The following KCNK13 variants were observed in gnomAD, a reference collection of about 807,000 sequenced individuals.
KCNK13 encodes potassium two pore domain channel subfamily K member 13, also known as potassium channel subfamily K member 13.
Under a neutral mutation model 23.4 loss-of-function variants are expected in KCNK13, and 12 were observed. The observed-to-expected ratio is 0.51, with a 90% CI of 0.33 to 0.83. The LOEUF is 0.83. Ranked by LOEUF, KCNK13 falls within the 40% of genes least tolerant of loss-of-function variation. The pLI, the probability that KCNK13 is intolerant of heterozygous loss-of-function variation, is 0.02. For synonymous variants in KCNK13, 231 were observed against 229.5 expected (o/e 1.01, Z -0.06); for missense variants, 463 against 556.3 (o/e 0.83, Z 1.69).
intron 1 of KCNK13, among the ~76,000 whole-genome samples, chr14:90,145,554 CT>C (rs892261237): frequency 4.0e-5 from 6 of 151,150 alleles, no homozygotes; most frequent in Admixed American, 6.6e-5. Flanking sequence ...GTACTTTTGT[CT>C]TTTTTTTCTT....
In KCNK13 at chr14:90,106,975, C is replaced by T. The variant is rs549933364; in HGVS notation, c.334+44436C>T. Among the ~76,000 whole-genome samples, 22 of 151,882 alleles carry T rather than the reference C, an allele frequency of 1.4e-4. No individual in the cohort carries two copies. In the South Asian group the frequency reaches 4.2e-3, roughly 29 times the overall value. ...GGCAGAGGTTGCAGTGAGCTGAGAT[C>T]GCACCACTGCACCCCAGCCTGGGAG... On this transcript the variant is annotated intron_variant, in intron 1 of 1. Transcript: ENST00000282146.
intron 1 of KCNK13, among the ~76,000 whole-genome samples, chr14:90,068,142 G>T (rs553836090): frequency 6.6e-6 from 1 of 152,170 alleles, no homozygotes; most frequent in African/African-American, 2.4e-5. Context: ...ATGATTAAAT[G>T]GCCACCACCA....
At chr14:90,094,645 CTT>C (rs778654067) in intron 1 of KCNK13, among the ~76,000 whole-genome samples, 2 of 111,644 alleles carry the variant, frequency 1.8e-5, no homozygotes, top group Admixed American at 9.7e-5. Flanking sequence ...TCTTTTTTTT[CTT>C]TTTTTTTTTT....
chr14:90,107,020 C>CA (rs1238739799), intron 1 of KCNK13, among the ~76,000 whole-genome samples: 1 of 151,440 alleles, frequency 6.6e-6, no homozygotes, highest in Admixed American at 6.6e-5. Context: ...GACTCCATCT[C>CA]AAAAAAAAGA....
At chr14:90,159,730 G>C (rs1176679414) in intron 1 of KCNK13, among the ~76,000 whole-genome samples, 2 of 152,202 alleles carry the variant, frequency 1.3e-5, no homozygotes, top group Non-Finnish European at 1.5e-5. Context: ...GGGTGGTACT[G>C]TTAGTATCCT....
intron 1 of KCNK13, among the ~76,000 whole-genome samples, chr14:90,115,696 A>T (rs1889668736): frequency 6.6e-6 from 1 of 152,090 alleles, no homozygotes. Context: ...ACGTGTTATT[A>T]AAAAAAAGAA....
At chr14:90,168,803 C>T (rs1890333105) in intron 1 of KCNK13, among the ~76,000 whole-genome samples, 1 of 152,220 alleles carries the variant, frequency 6.6e-6, no homozygotes, top group Non-Finnish European at 1.5e-5. Context: ...ACCCAAATCT[C>T]ACCTTGAATT....
intron 1 of KCNK13, among the ~76,000 whole-genome samples, chr14:90,177,558 A>C (rs757096584): frequency 3.0e-4 from 45 of 152,182 alleles, no homozygotes; most frequent in African/African-American, 7.2e-4. Flanking sequence ...CGGAGTATGC[A>C]TGTAACTTGG....
intron 1 of KCNK13, among the ~76,000 whole-genome samples, chr14:90,168,267 A>G (rs1174261943): frequency 2.0e-5 from 3 of 151,946 alleles, no homozygotes; most frequent in Admixed American, 2.0e-4. Context: ...CCAGCTACTG[A>G]GGCTGAGGTG....
chr14:90,094,948 A>G (rs888008344), intron 1 of KCNK13, among the ~76,000 whole-genome samples: 2 of 152,168 alleles, frequency 1.3e-5, no homozygotes, highest in Non-Finnish European at 2.9e-5. Context: ...TGCCCAGCCT[A>G]TCAGGGACTT....
At chr14:90,151,069 G>T (rs1017891004) in intron 1 of KCNK13, among the ~76,000 whole-genome samples, 12 of 152,088 alleles carry the variant, frequency 7.9e-5, no homozygotes. Flanking sequence ...CTCCCTGATT[G>T]TAAGTTTCCT....
chr14:90,084,943 C>CATTT (rs1889254630), intron 1 of KCNK13, among the ~76,000 whole-genome samples: 1 of 151,334 alleles, frequency 6.6e-6, no homozygotes, highest in Non-Finnish European at 1.5e-5. Context: ...TATTATTATT[C>CATTT]ATTTATTTAT....
In KCNK13 at chr14:90,184,334, C is replaced by T. The variant is rs1487601053; in HGVS notation, c.558C>T (p.Ser186=). ...LKDAGQCEVD[S]LAGWKPSVYY... is the part of the protein sequence containing the mutation. ...ATGCGGGGCAGTGTGAGGTGGACAG[C>T]CTGGCCGGCTGGAAGCCCTCCGTGT... is the stretch of plus-strand genomic sequence containing the variant. Residue 186 remains serine, a synonymous_variant, in exon 2 of 2, where the codon AGC becomes AGT. Coordinates refer to ENST00000282146, the MANE Select transcript of KCNK13 (RefSeq NM_022054.4). This position sits in a 1 kb window ranked among gnomAD's most constrained non-coding sequence, Gnocchi z 5.6. 1 of 1,614,132 alleles carries T rather than the reference C, an allele frequency of 6.2e-7. No homozygotes were observed. The highest frequency in any genetic ancestry group is 2.2e-5 in the East Asian group (1 of 44,894).
At chr14:90,158,136 G>C (rs1024048187) in intron 1 of KCNK13, among the ~76,000 whole-genome samples, 5 of 152,218 alleles carry the variant, frequency 3.3e-5, no homozygotes, top group African/African-American at 1.2e-4. Flanking sequence ...TTAGAAGGGA[G>C]GCGACCACAG....
At chr14:90,100,747 A>C (rs531435731) in intron 1 of KCNK13, among the ~76,000 whole-genome samples, 1 of 152,274 alleles carries the variant, frequency 6.6e-6, no homozygotes, top group East Asian at 1.9e-4. Flanking sequence ...GCTGGAGTGC[A>C]GCGGTATGAT....
chr14:90,072,375 T>C (rs568440716), intron 1 of KCNK13, among the ~76,000 whole-genome samples: 13 of 152,190 alleles, frequency 8.5e-5, no homozygotes, highest in African/African-American at 3.1e-4. Flanking sequence ...TGTAGGACAT[T>C]AGGGAGCAGT....
At chr14:90,139,651 C>G (rs74737068) in intron 1 of KCNK13, among the ~76,000 whole-genome samples, 1 of 152,048 alleles carries the variant, frequency 6.6e-6, no homozygotes, top group Non-Finnish European at 1.5e-5. Context: ...TGTACGTGAG[C>G]AAGAAAAGAA....
intron 1 of KCNK13, among the ~76,000 whole-genome samples, chr14:90,159,946 G>GGTGTGT (rs3060015): frequency 4.4e-4 from 65 of 148,354 alleles, no homozygotes; most frequent in Admixed American, 1.1e-3. Context: ...TGTGTGTAGG[G>GGTGTGT]GTGTGTGTGT....
At chr14:90,182,985 T>C (rs985020620) in intron 1 of KCNK13, among the ~76,000 whole-genome samples, 1 of 152,184 alleles carries the variant, frequency 6.6e-6, no homozygotes, top group Non-Finnish European at 1.5e-5. Context: ...GTTTACTGAA[T>C]CATTTGCTTG....
Sources: gnomAD v4.1 joint callset for allele counts (sites outside exome capture counted in the v4.1 genomes callset) on GRCh38, gnomAD v4.1.1 for gene constraint, Gnocchi (gnomAD v3.1) non-coding constraint, MANE v1.5 for transcripts, NCBI Gene and HGNC (gene_info 2026-07-23, HGNC 2026-07-21) for gene names.